MSRA: variants seen among roughly 807,000 people sequenced by gnomAD.
The protein encoded by MSRA is mitochondrial peptide methionine sulfoxide reductase.
In MSRA, 54 loss-of-function variants were observed where a neutral mutation model predicts 31.3. The observed-to-expected ratio is 1.73, with a 90% CI of 1.39 to 2.17. The LOEUF (loss-of-function observed/expected upper bound fraction) is 2.17, where lower values mean the gene tolerates loss of function less well. MSRA is among the 30% of genes most tolerant of loss of function. The pLI is 0.00. For synonymous variants in MSRA, 169 were observed against 116.5 expected, an observed-to-expected ratio of 1.45 and a Z score of -2.90; for missense variants, 507 against 300.9, an observed-to-expected ratio of 1.69 and a Z score of -5.07.
chr8:10,153,467 G>A (rs1313315095), intron 1 of MSRA, among the ~76,000 whole-genome samples: 2 of 152,024 alleles, frequency 1.3e-5, no homozygotes, highest in African/African-American at 2.4e-5. Flanking sequence ...CTTTATCCTC[G>A]GAGGAGAATG....
intron 5 of MSRA, among the ~76,000 whole-genome samples, chr8:10,380,360 A>G (rs906682824): frequency 8.5e-5 from 13 of 152,210 alleles, no homozygotes; most frequent in African/African-American, 2.9e-4. Context: ...AGACAACTGG[A>G]GAGGGCCTTC....
chr8:10,392,113 G>A (rs1274362438), intron 5 of MSRA, among the ~76,000 whole-genome samples: 1 of 152,212 alleles, frequency 6.6e-6, no homozygotes, highest in African/African-American at 2.4e-5. Flanking sequence ...TCTCTGACAA[G>A]AGAAGGGGCC....
intron 5 of MSRA, among the ~76,000 whole-genome samples, chr8:10,344,454 G>T (rs1803640091): frequency 6.6e-6 from 1 of 151,722 alleles, no homozygotes; most frequent in Non-Finnish European, 1.5e-5. Flanking sequence ...GGCTCCTGAA[G>T]TCCCAGCTAC....
chr8:10,115,431 C>T (rs117807302), intron 1 of MSRA, among the ~76,000 whole-genome samples: 3,402 of 152,266 alleles, frequency 0.022, 59 homozygotes, highest in Non-Finnish European at 0.035. Flanking sequence ...AAGGAAAGAT[C>T]CTTTCCTAGC....
At chr8:10,342,731 A>C (rs1380839991) in intron 5 of MSRA, among the ~76,000 whole-genome samples, 2 of 152,160 alleles carry the variant, frequency 1.3e-5, no homozygotes, top group Non-Finnish European at 2.9e-5. Flanking sequence ...CAATGCTCCC[A>C]AGCTCACACA....
At chr8:10,189,343 TC>T (rs1161412648) in intron 1 of MSRA, among the ~76,000 whole-genome samples, 1 of 152,190 alleles carries the variant, frequency 6.6e-6, no homozygotes, top group Non-Finnish European at 1.5e-5. Flanking sequence ...TATTTCTTTT[TC>T]TTGCCTTTTT....
At chr8:10,160,485 A>T (rs1804539423) in intron 1 of MSRA, among the ~76,000 whole-genome samples, 1 of 151,058 alleles carries the variant, frequency 6.6e-6, no homozygotes, top group South Asian at 2.1e-4. Flanking sequence ...ACAGAGCGAG[A>T]CTCCATCTAA....
At chr8:10,378,007 A>G (rs1291601356) in intron 5 of MSRA, among the ~76,000 whole-genome samples, 1 of 152,216 alleles carries the variant, frequency 6.6e-6, no homozygotes, top group Non-Finnish European at 1.5e-5. Context: ...TCTAATCAGC[A>G]CCACCTGCTC....
intron 1 of MSRA, among the ~76,000 whole-genome samples, chr8:10,112,691 A>AGT (rs1800376614): frequency 6.6e-6 from 1 of 152,218 alleles, no homozygotes; most frequent in Admixed American, 6.5e-5. Context: ...ACTCTAATGT[A>AGT]GTGATATAAA....
chr8:10,201,727 G>C (rs530754811), intron 1 of MSRA, among the ~76,000 whole-genome samples: 1 of 152,148 alleles, frequency 6.6e-6, no homozygotes, highest in Admixed American at 6.5e-5. Flanking sequence ...ATGTCCCCCC[G>C]ATCCCCTTCA....
intron 5 of MSRA, among the ~76,000 whole-genome samples, chr8:10,407,595 C>G (rs1284190675): frequency 6.6e-6 from 1 of 152,122 alleles, no homozygotes; most frequent in Non-Finnish European, 1.5e-5. Context: ...AGACCAACCG[C>G]TTTGGGAAAG....
chr8:10,405,067 C>A (rs192369467), intron 5 of MSRA, among the ~76,000 whole-genome samples: 43 of 152,306 alleles, frequency 2.8e-4, no homozygotes, highest in Admixed American at 2.4e-3. Context: ...GGATGTCGGA[C>A]AGGAGAGACT....
At chr8:10,203,243 T>C (rs1236886659) in intron 1 of MSRA, among the ~76,000 whole-genome samples, 1 of 152,020 alleles carries the variant, frequency 6.6e-6, no homozygotes, top group Non-Finnish European at 1.5e-5. Flanking sequence ...CACCTCTCAG[T>C]TGAGACTAGG....
intron 3 of MSRA, among the ~76,000 whole-genome samples, chr8:10,296,731 G>A (rs1275601253): frequency 6.6e-6 from 1 of 152,230 alleles, no homozygotes; most frequent in African/African-American, 2.4e-5. Flanking sequence ...CAGCATGGGT[G>A]TGGGTCCCGA....
intron 1 of MSRA, among the ~76,000 whole-genome samples, chr8:10,131,356 T>G (rs1303726347): frequency 6.6e-6 from 1 of 151,820 alleles, no homozygotes; most frequent in Non-Finnish European, 1.5e-5. Context: ...GACAAAAGAG[T>G]GGAAATGGTA....
intron 5 of MSRA, among the ~76,000 whole-genome samples, chr8:10,380,774 A>G (rs1400594478): frequency 1.3e-5 from 2 of 152,016 alleles, no homozygotes; most frequent in Non-Finnish European, 2.9e-5. Flanking sequence ...GGCTGGATGG[A>G]TGGATGGATG....
At chr8:10,344,149 T>A (rs1803619568) in intron 5 of MSRA, among the ~76,000 whole-genome samples, 1 of 152,194 alleles carries the variant, frequency 6.6e-6, no homozygotes, top group Non-Finnish European at 1.5e-5. Context: ...GGCTTTGAGG[T>A]GAGAAGACCT....
intron 5 of MSRA, among the ~76,000 whole-genome samples, chr8:10,364,061 A>G (rs1805018600): frequency 6.6e-6 from 1 of 152,214 alleles, no homozygotes; most frequent in Non-Finnish European, 1.5e-5. Flanking sequence ...AAAACGGTCC[A>G]CACACACTTA....
intron 1 of MSRA, among the ~76,000 whole-genome samples, chr8:10,185,615 A>G (rs901109169): frequency 6.6e-6 from 1 of 152,158 alleles, no homozygotes; most frequent in African/African-American, 2.4e-5. Flanking sequence ...AACCAAAGAG[A>G]GAGCAATGGA....
Sources: gnomAD v4.1 joint callset for allele counts (sites outside exome capture counted in the v4.1 genomes callset) on GRCh38, gnomAD v4.1.1 for gene constraint, MANE v1.5 for transcripts, NCBI Gene and HGNC (gene_info 2026-07-23, HGNC 2026-07-21) for gene names.